CALM2: variants seen among roughly 807,000 people sequenced by gnomAD.
The protein encoded by CALM2 is calmodulin-2.
In CALM2, 2 loss-of-function variants were observed where a neutral mutation model predicts 19.8. That is an observed-to-expected ratio of 0.10 (90% CI 0.04 to 0.32). The LOEUF (loss-of-function observed/expected upper bound fraction) is 0.32, where lower values mean the gene tolerates loss of function less well. Among genes scored for constraint, CALM2 ranks in the 10% least tolerant of loss-of-function variants. The probability of loss-of-function intolerance (pLI) is 1.00; values close to 1 mark genes in which losing one functional copy is unlikely to be tolerated. For missense variants in CALM2, 38 were observed against 178.7 expected, an observed-to-expected ratio of 0.21 and a Z score of 4.49; for synonymous variants, 51 against 52.1, an observed-to-expected ratio of 0.98 and a Z score of 0.09.
upstream of CALM2, chr2:47,176,611 AC>A (rs1035756364): frequency 3.3e-6 from 5 of 1,520,432 alleles, no homozygotes; most frequent in Middle Eastern, 2.0e-4. Context: ...GTCCCGGCCA[AC>A]CCCCTCCCCT....
At chr2:47,165,346 A>C (rs1449613166) in intron 2 of CALM2, among the ~76,000 whole-genome samples, 1 of 152,256 alleles carries the variant, frequency 6.6e-6, no homozygotes, top group Non-Finnish European at 1.5e-5. Flanking sequence ...GTGAAATGAC[A>C]TAAATGTGCC....
Position 47,167,237 on chromosome 2 carries a change from G to A in CALM2, c.34+3497C>T, listed in dbSNP as rs111978493. On this transcript the variant is annotated intron_variant, in intron 2 of 5. Transcript: ENST00000272298. ...TTTGGACCTTGAAAATTTAATGAAA[G>A]TTTAGGTACAGACTTCTTAAGGAAA... 3.3e-5 allele frequency among the ~76,000 whole-genome samples: 5 copies of A among 152,140 alleles called. No homozygotes were observed. The South Asian group carries it at 1.0e-3, about 32-fold the overall frequency.
At chr2:47,165,352 G>A (rs1427416695) in intron 2 of CALM2, among the ~76,000 whole-genome samples, 2 of 152,176 alleles carry the variant, frequency 1.3e-5, no homozygotes, top group African/African-American at 2.4e-5. Flanking sequence ...TGACATAAAT[G>A]TGCCCAGTAA....
intron 1 of CALM2, chr2:47,171,842 A>C (rs1200423397): frequency 3.9e-5 from 6 of 152,206 alleles, no homozygotes; most frequent in African/African-American, 1.2e-4. Context: ...TTAAATGAAC[A>C]CACCCCTGGA....
intron 2 of CALM2, 59 bp downstream of exon 2, chr2:47,170,675 T>C (rs1277932269): frequency 8.0e-7 from 1 of 1,256,220 alleles, no homozygotes; most frequent in Non-Finnish European, 1.2e-6. Context: ...TATTCTGACG[T>C]TGGCTATTCA....
At chr2:47,173,018 C>T (rs1218861053) in intron 1 of CALM2, 1 of 152,126 alleles carries the variant, frequency 6.6e-6, no homozygotes, top group East Asian at 1.9e-4. Flanking sequence ...AAATGAGCTT[C>T]AAGGAATGAA....
rs867023331 is a variant in CALM2 at position 47,175,880 on chromosome 2, G to A, written c.3+561C>T. ...GCTCGGCCCACACAGCGCGCCGCCCGCCCGCCCGCGCGCCCCCTGGATCCC... is the reference window on the plus strand; with the variant it reads ...GCTCGGCCCACACAGCGCGCCGCCCACCCGCCCGCGCGCCCCCTGGATCCC... On this transcript the variant is annotated intron_variant, in intron 1 of 5. Transcript: ENST00000272298. Among the ~76,000 whole-genome samples the A allele has an allele frequency of 1.0e-4, 15 of 148,482 alleles. No homozygotes were observed. The East Asian group carries it at 3.0e-3, about 29-fold the overall frequency.
chr2:47,166,242 T>C (rs183438002), intron 2 of CALM2, among the ~76,000 whole-genome samples: 3 of 152,320 alleles, frequency 2.0e-5, no homozygotes, highest in African/African-American at 7.2e-5. Context: ...TTCAGACACA[T>C]TGCACCTTTC....
At chr2:47,175,841 C>T (rs1324658232) in intron 1 of CALM2, among the ~76,000 whole-genome samples, 1 of 147,836 alleles carries the variant, frequency 6.8e-6, no homozygotes, top group Non-Finnish European at 1.5e-5. Context: ...CCGGCCGCTC[C>T]CTGCGCCGCG....
At chr2:47,176,271 G>A in intron 1 of CALM2, 170 bp downstream of exon 1, 1 of 720,422 alleles carries the variant, frequency 1.4e-6, no homozygotes, top group Middle Eastern at 2.6e-4. Context: ...GGGGGTGGGG[G>A]AGCACCTGCG....
At chr2:47,168,135 G>A (rs952519277) in intron 2 of CALM2, among the ~76,000 whole-genome samples, 4 of 151,904 alleles carry the variant, frequency 2.6e-5, no homozygotes, top group South Asian at 2.1e-4. Context: ...GGCAGGTACC[G>A]GGCCTACAAA....
Position 47,162,281 on chromosome 2 carries a change from C to A in CALM2, c.285+5G>T. 6.4e-7 allele frequency: 1 copy of A among 1,554,560 alleles called. No homozygotes were observed. Among genetic ancestry groups the A allele is most frequent in the South Asian group, 1.2e-5 (1 of 86,062 alleles). On this transcript the variant is annotated splice_donor_5th_base_variant and intron_variant, in intron 4 of 5. Transcript: ENST00000272298. ...AAAATTTAACATATCCAGTCCTTGA[C>A]GTACCTTATCAAACACACGGAATGC...
At chr2:47,170,637 C>T (rs191264385) in intron 2 of CALM2, 97 bp downstream of exon 2, 12 of 964,290 alleles carry the variant, frequency 1.2e-5, no homozygotes, top group African/African-American at 3.2e-5. Flanking sequence ...TGACATATAC[C>T]AAAGTCAATT....
chr2:47,174,326 A>G (rs1286281445), intron 1 of CALM2: 1 of 152,090 alleles, frequency 6.6e-6, no homozygotes, highest in Non-Finnish European at 1.5e-5. Flanking sequence ...ATCATAGCTC[A>G]CTACAGTCTC....
At chr2:47,176,234 A>G in intron 1 of CALM2, 1 of 599,146 alleles carries the variant, frequency 1.7e-6, no homozygotes, top group South Asian at 2.1e-5. Flanking sequence ...CCCTCAACTC[A>G]CTAGAGGAAG....
At chr2:47,175,644 T>C (rs1303312453) in intron 1 of CALM2, among the ~76,000 whole-genome samples, 1 of 151,520 alleles carries the variant, frequency 6.6e-6, no homozygotes, top group Non-Finnish European at 1.5e-5. Flanking sequence ...GAAGGAAGAT[T>C]AGGGTTGCCA....
intron 1 of CALM2, among the ~76,000 whole-genome samples, chr2:47,175,139 A>C (rs1002549610): frequency 1.2e-4 from 16 of 137,040 alleles, no homozygotes; most frequent in African/African-American, 4.6e-4. Context: ...TGACCGGAAA[A>C]TGCTTTTAAA....
intron 1 of CALM2, among the ~76,000 whole-genome samples, chr2:47,175,470 C>G (rs930130205): frequency 1.3e-5 from 2 of 152,180 alleles, no homozygotes; most frequent in Non-Finnish European, 2.9e-5. Context: ...CTTGTAGAAC[C>G]CTAGCTGGAG....
rs1666634676 is a variant in CALM2, at chr2:47,170,622, A to G, written c.34+112T>C. 4.7e-6 allele frequency: 4 copies of G among 851,360 alleles called. No homozygotes were observed. In the Admixed American group the frequency reaches 6.9e-5, roughly 15 times the overall value. 52.7% of individuals were successfully genotyped at this position (851,360 alleles called of 1,614,324 possible). On this transcript the variant is annotated intron_variant, in intron 2 of 5. Coordinates refer to ENST00000272298, the MANE Select transcript of CALM2 (RefSeq NM_001743.6). ...TATTATATTATACCCATATGTTAGT[A>G]TCCATGACATATACCAAAGTCAATT... is the stretch of plus-strand genomic sequence containing the variant.
Sources: allele counts gnomAD v4.1 joint callset (sites outside exome capture counted in the v4.1 genomes callset), GRCh38; gene constraint gnomAD v4.1.1; transcripts MANE v1.5; gene names NCBI Gene and HGNC (gene_info 2026-07-23, HGNC 2026-07-21).